Variants in UQCC1 observed in about 807,000 individuals in gnomAD.
The protein encoded by UQCC1 is ubiquinol-cytochrome c reductase complex assembly factor 1.
A neutral mutation model predicts 48.0 loss-of-function variants in UQCC1; 38 were observed. The ratio of observed to expected loss-of-function variants is 0.79; its 90% CI spans 0.61 to 1.04. UQCC1 has a LOEUF of 1.04. Among genes scored for constraint, UQCC1 ranks in the 50% least tolerant of loss-of-function variants. The probability of loss-of-function intolerance (pLI) is 0.00; values close to 1 mark genes in which losing one functional copy is unlikely to be tolerated. For missense variants in UQCC1, 368 were observed against 381.8 expected, an observed-to-expected ratio of 0.96 and a Z score of 0.30; for synonymous variants, 111 against 129.2, an observed-to-expected ratio of 0.86 and a Z score of 0.95.
intron 1 of UQCC1, among the ~76,000 whole-genome samples, chr20:35,404,788 ACCTTTT>A (rs2062227074): frequency 6.6e-6 from 1 of 152,078 alleles, no homozygotes. Flanking sequence ...GTGTGAAAAA[ACCTTTT>A]CCCCAGGAGC....
At chr20:35,325,339 A>G (rs539699899) in intron 7 of UQCC1, among the ~76,000 whole-genome samples, 1 of 152,364 alleles carries the variant, frequency 6.6e-6, no homozygotes, top group Non-Finnish European at 1.5e-5. Flanking sequence ...TTAAAATGAT[A>G]AATATTATGT....
chr20:35,332,633 C>T (rs557709194), intron 7 of UQCC1, among the ~76,000 whole-genome samples: 6 of 152,270 alleles, frequency 3.9e-5, no homozygotes, highest in South Asian at 2.1e-4. Flanking sequence ...GAAGAAAATG[C>T]CAGACTTGGA....
At chr20:35,311,989 A>G (rs914695534) in intron 8 of UQCC1, among the ~76,000 whole-genome samples, 6 of 152,214 alleles carry the variant, frequency 3.9e-5, no homozygotes, top group African/African-American at 1.4e-4. Flanking sequence ...ACAGTTGGGT[A>G]AAATGGCTCT....
intron 4 of UQCC1, among the ~76,000 whole-genome samples, chr20:35,377,924 A>T (rs529334864): frequency 3.3e-5 from 5 of 152,228 alleles, no homozygotes; most frequent in Non-Finnish European, 7.3e-5. Flanking sequence ...ATAGTTCTTC[A>T]CTTTTCCTGC....
chr20:35,387,324 G>A (rs1198953735), intron 2 of UQCC1, among the ~76,000 whole-genome samples: 1 of 151,968 alleles, frequency 6.6e-6, no homozygotes, highest in Non-Finnish European at 1.5e-5. Context: ...AAGAATGACA[G>A]AGGCAGAGAA....
chr20:35,315,008 T>C (rs1387813414), intron 7 of UQCC1, among the ~76,000 whole-genome samples: 1 of 152,238 alleles, frequency 6.6e-6, no homozygotes, highest in African/African-American at 2.4e-5. Context: ...CCCAACCACA[T>C]GTTTAGTTTT....
intron 4 of UQCC1, among the ~76,000 whole-genome samples, chr20:35,376,563 G>C (rs1055612162): frequency 3.3e-5 from 5 of 152,076 alleles, no homozygotes; most frequent in Non-Finnish European, 7.4e-5. Flanking sequence ...AACATGAACA[G>C]TCTTGTATCT....
At chr20:35,372,732 G>T (rs1045386622) in intron 5 of UQCC1, among the ~76,000 whole-genome samples, 4 of 152,076 alleles carry the variant, frequency 2.6e-5, no homozygotes, top group African/African-American at 9.7e-5. Context: ...AGCTGGGCAT[G>T]GTGGCGTGCA....
At chr20:35,408,352 C>T (rs2062284193) in intron 1 of UQCC1, among the ~76,000 whole-genome samples, 1 of 151,972 alleles carries the variant, frequency 6.6e-6, no homozygotes, top group African/African-American at 2.4e-5. Context: ...TTACTTGAGC[C>T]CAGAAGTGGA....
At chr20:35,393,963 C>T in intron 2 of UQCC1, 129 bp downstream of exon 2, 1 of 797,316 alleles carries the variant, frequency 1.3e-6, no homozygotes, top group Non-Finnish European at 2.1e-6. Flanking sequence ...TAAGTTGGCA[C>T]CACAGAGACC....
At chr20:35,382,157 A>G (rs1007390649) in intron 3 of UQCC1, 132 bp from the exon 4 acceptor site, 41 of 560,130 alleles carry the variant, frequency 7.3e-5, no homozygotes, top group Admixed American at 3.8e-4. Flanking sequence ...CCCAGGCTAA[A>G]GTGAAGTGGC....
chr20:35,386,740 A>G (rs1291270596), intron 2 of UQCC1, among the ~76,000 whole-genome samples: 1 of 151,958 alleles, frequency 6.6e-6, no homozygotes, highest in Admixed American at 6.6e-5. Context: ...TAACCAGTAG[A>G]TTCCTTCTGT....
At chr20:35,382,761 C>T (rs1308177557) in intron 3 of UQCC1, among the ~76,000 whole-genome samples, 4 of 152,028 alleles carry the variant, frequency 2.6e-5, no homozygotes, top group South Asian at 2.1e-4. Flanking sequence ...CTGCCCGCCT[C>T]GGCCTCCCAA....
At chr20:35,347,646 G>A (rs1425842515) in intron 6 of UQCC1, among the ~76,000 whole-genome samples, 3 of 152,038 alleles carry the variant, frequency 2.0e-5, no homozygotes, top group Non-Finnish European at 4.4e-5. Flanking sequence ...TCCTAAAGAC[G>A]GAAAGTAATT....
chr20:35,400,220 C>T (rs955078219), intron 1 of UQCC1, among the ~76,000 whole-genome samples: 6 of 152,120 alleles, frequency 3.9e-5, no homozygotes, highest in South Asian at 4.1e-4. Flanking sequence ...GCCACCGTGT[C>T]GACCTCTACT....
At chr20:35,399,994 C>T (rs1171173048) in intron 1 of UQCC1, among the ~76,000 whole-genome samples, 9 of 143,056 alleles carry the variant, frequency 6.3e-5, no homozygotes, top group Non-Finnish European at 1.1e-4. Context: ...GGCGCAATCT[C>T]GGCTCACCGC....
chr20:35,366,868 C>T (rs1451468812), intron 5 of UQCC1, among the ~76,000 whole-genome samples: 6 of 151,918 alleles, frequency 3.9e-5, no homozygotes, highest in African/African-American at 1.5e-4. Flanking sequence ...CCGAGGTGGG[C>T]AGATCACCTC....
At chr20:35,390,250 C>T (rs2061997502) in intron 2 of UQCC1, among the ~76,000 whole-genome samples, 1 of 151,908 alleles carries the variant, frequency 6.6e-6, no homozygotes. Context: ...CACAGTGAAA[C>T]CCCGTCTCTA....
rs141696015 is a variant in UQCC1, at chr20:35,372,350, T to G, written c.406+1834A>C. 8.7e-4 allele frequency among the ~76,000 whole-genome samples: 132 copies of G among 152,016 alleles called. 2 individuals carry two copies. The East Asian group carries it at 0.022, about 26-fold the overall frequency. On this transcript the variant is annotated intron_variant, in intron 5 of 9. Coordinates refer to ENST00000374385, the MANE Select transcript of UQCC1 (RefSeq NM_018244.5). ...AAAGAAAAAAAGCAGTTTCTAATAT[T>G]AATAGCTTCATCAGATAGAGAAAAA... is the stretch of plus-strand genomic sequence containing the variant.
Sources: gnomAD v4.1 joint callset for allele counts (sites outside exome capture counted in the v4.1 genomes callset) on GRCh38, gnomAD v4.1.1 for gene constraint, MANE v1.5 for transcripts, NCBI Gene and HGNC (gene_info 2026-07-23, HGNC 2026-07-21) for gene names.